TENM3: variants seen among roughly 807,000 people sequenced by gnomAD.
TENM3 encodes teneurin transmembrane protein 3, also known as teneurin-3.
Under a neutral mutation model 255.1 loss-of-function variants are expected in TENM3, and 63 were observed. The ratio of observed to expected loss-of-function variants is 0.25; its 90% CI spans 0.20 to 0.30. TENM3 has a LOEUF of 0.30. Among genes scored for constraint, TENM3 ranks in the 10% least tolerant of loss-of-function variants. The pLI, the probability that TENM3 is intolerant of heterozygous loss-of-function variation, is 1.00. For missense variants in TENM3, 2,929 were observed against 3,461.1 expected (o/e 0.85, Z 3.86); for synonymous variants, 1,306 against 1,322.3 (o/e 0.99, Z 0.27).
At chr4:182,416,892 T>G (rs968341296) in intron 3 of TENM3, among the ~76,000 whole-genome samples, 3 of 152,204 alleles carry the variant, frequency 2.0e-5, no homozygotes, top group African/African-American at 7.2e-5. Flanking sequence ...CACACTGGGT[T>G]TTGATGTTTT....
chr4:182,671,543 G>C (rs1240851947), intron 6 of TENM3, among the ~76,000 whole-genome samples: 1 of 151,982 alleles, frequency 6.6e-6, no homozygotes, highest in African/African-American at 2.4e-5. Context: ...GTTGCTTTAG[G>C]GTCTCACTTA....
the TENM3 span, among the ~76,000 whole-genome samples, chr4:181,720,735 A>G: frequency 6.6e-6 from 1 of 152,208 alleles, no homozygotes; most frequent in African/African-American, 2.4e-5. Flanking sequence ...TTTTTGAAAC[A>G]GCCAAAAGTT....
chr4:182,291,174 C>A (rs188573379), intron 1 of TENM3, among the ~76,000 whole-genome samples: 367 of 152,258 alleles, frequency 2.4e-3, no homozygotes, highest in Non-Finnish European at 3.5e-3. Context: ...TGATATGAAG[C>A]AAGTGCAGGA....
At chr4:182,213,959 G>C (rs1037176284) in intron 1 of TENM3, among the ~76,000 whole-genome samples, 2 of 151,840 alleles carry the variant, frequency 1.3e-5, no homozygotes, top group Non-Finnish European at 2.9e-5. Flanking sequence ...CCGCCACCAC[G>C]CCTGGCTAAT....
the TENM3 span, among the ~76,000 whole-genome samples, chr4:182,042,032 G>A: frequency 6.6e-6 from 1 of 152,120 alleles, no homozygotes; most frequent in Non-Finnish European, 1.5e-5. Flanking sequence ...TTTTCTACCA[G>A]GATGGGATAG....
chr4:182,057,296 G>T, the TENM3 span, among the ~76,000 whole-genome samples: 1 of 148,906 alleles, frequency 6.7e-6, no homozygotes, highest in African/African-American at 2.6e-5. Context: ...CTCAAAGAGA[G>T]AGAGAGAGAG....
intron 27 of TENM3, among the ~76,000 whole-genome samples, chr4:182,798,097 T>C (rs755238248): frequency 5.3e-5 from 8 of 152,164 alleles, no homozygotes; most frequent in Non-Finnish European, 7.3e-5. Context: ...AGCCTTGACC[T>C]CCTGGGCTCA....
intron 1 of TENM3, among the ~76,000 whole-genome samples, chr4:182,152,687 T>C (rs1750424092): frequency 6.6e-6 from 1 of 151,828 alleles, no homozygotes; most frequent in Admixed American, 6.6e-5. Flanking sequence ...ATTACACATG[T>C]GACAGGGACT....
chr4:181,755,439 T>C, the TENM3 span, among the ~76,000 whole-genome samples: 15 of 152,244 alleles, frequency 9.9e-5, no homozygotes, highest in African/African-American at 3.4e-4. Context: ...AAAAATCTAT[T>C]ATACCTTGGA....
the TENM3 span, among the ~76,000 whole-genome samples, chr4:181,539,236 C>A: frequency 1.3e-5 from 2 of 152,028 alleles, no homozygotes; most frequent in Admixed American, 6.6e-5. Flanking sequence ...GTTGAATGAG[C>A]CTATATAATA....
At chr4:181,978,186 C>T in the TENM3 span, among the ~76,000 whole-genome samples, 3 of 152,122 alleles carry the variant, frequency 2.0e-5, no homozygotes, top group East Asian at 3.9e-4. Flanking sequence ...ACTCTTGGGG[C>T]TGGAAGGGTC....
the TENM3 span, among the ~76,000 whole-genome samples, chr4:182,059,816 C>G: frequency 6.6e-6 from 1 of 151,408 alleles, no homozygotes; most frequent in Non-Finnish European, 1.5e-5. Context: ...ACCTGTAGTC[C>G]CAGCTACTCT....
chr4:182,383,670 T>G (rs1561389367), intron 3 of TENM3, among the ~76,000 whole-genome samples: 1 of 152,032 alleles, frequency 6.6e-6, no homozygotes, highest in Non-Finnish European at 1.5e-5. Flanking sequence ...ATTGTTTCCA[T>G]CTTTATGTCT....
the TENM3 span, among the ~76,000 whole-genome samples, chr4:181,557,979 G>T: frequency 6.6e-6 from 1 of 152,212 alleles, no homozygotes; most frequent in Non-Finnish European, 1.5e-5. Flanking sequence ...CTATGTTCCT[G>T]CAGTGATTGC....
At chr4:181,682,756 G>C in the TENM3 span, among the ~76,000 whole-genome samples, 1 of 152,092 alleles carries the variant, frequency 6.6e-6, no homozygotes, top group Admixed American at 6.6e-5. Flanking sequence ...GTGTGGAAGA[G>C]GGAAAATGAG....
intron 3 of TENM3, among the ~76,000 whole-genome samples, chr4:182,443,876 C>A (rs1473264426): frequency 1.3e-5 from 2 of 152,142 alleles, no homozygotes; most frequent in Non-Finnish European, 1.5e-5. Flanking sequence ...AAAGAAAGAG[C>A]CCTAAGTCTT....
the TENM3 span, among the ~76,000 whole-genome samples, chr4:181,513,638 C>T: frequency 4.8e-4 from 73 of 152,290 alleles, no homozygotes; most frequent in African/African-American, 1.3e-3. Context: ...TAATAAAACA[C>T]GCAATAAATA....
the TENM3 span, among the ~76,000 whole-genome samples, chr4:182,040,366 C>T: frequency 6.6e-6 from 1 of 152,016 alleles, no homozygotes; most frequent in Admixed American, 6.6e-5. Flanking sequence ...GTCCGGTTTC[C>T]AAAGTCATCT....
At chr4:182,622,426 CAA>C (rs749953344) in intron 4 of TENM3, among the ~76,000 whole-genome samples, 4 of 152,184 alleles carry the variant, frequency 2.6e-5, no homozygotes, top group Non-Finnish European at 4.4e-5. Context: ...ACTGATGTCT[CAA>C]GTTTTGGAAA....
Sources: gnomAD v4.1 joint callset for allele counts (sites outside exome capture counted in the v4.1 genomes callset) on GRCh38, gnomAD v4.1.1 for gene constraint, MANE v1.5 for transcripts, NCBI Gene and HGNC (gene_info 2026-07-23, HGNC 2026-07-21) for gene names.